Variants in REXO4 observed in about 807,000 individuals in gnomAD.
REXO4 encodes the protein REX4 homolog, 3'-5' exonuclease.
REXO4 carries 29 observed loss-of-function variants against 39.9 expected under a neutral mutation model. The ratio of observed to expected loss-of-function variants is 0.73; its 90% CI spans 0.54 to 0.99. The LOEUF is 0.99. REXO4 is among the 50% of genes least tolerant of loss of function. The pLI is 0.00. For synonymous variants in REXO4, 184 were observed against 206.2 expected (o/e 0.89, Z 0.92); for missense variants, 524 against 546.5 (o/e 0.96, Z 0.41).
In REXO4 at chr9:133,410,947, G is replaced by A. The variant is rs201451198; in HGVS notation, c.999+38C>T. ...AGGGCGTGAGTGTAACACCCACGGA[G>A]CAGGGGCAGGCTGAGTCCCCAGGAG... On this transcript the variant is annotated intron_variant, in intron 5 of 7. Coordinates refer to ENST00000371942, the MANE Select transcript of REXO4 (RefSeq NM_020385.4). 4 of 1,498,986 alleles carry A rather than the reference G, an allele frequency of 2.7e-6. No individual in the cohort carries two copies. In the East Asian group the frequency reaches 6.8e-5, roughly 25 times the overall value. The allele number at this position is 1,498,986 out of a possible 1,614,324, so 92.9% of individuals were successfully genotyped here.
In REXO4 at chr9:133,413,055, C is replaced by G. The variant is rs587681684; in HGVS notation, c.573-134G>C. 13 of 918,280 alleles carry G rather than the reference C, an allele frequency of 1.4e-5. 1 individual carries two copies. The South Asian group carries it at 2.1e-4, about 14-fold the overall frequency. 56.9% of individuals were successfully genotyped at this position (918,280 alleles called of 1,614,324 possible). A position where few individuals can be genotyped will look rare whatever the true frequency, so the allele number is the denominator to read the frequency against. On this transcript the variant is annotated intron_variant, in intron 2 of 7. Transcript: ENST00000371942. Reference sequence around the variant, plus strand: ...TCTCCCACAGGCTGGCCCCAGACACCCCGACTGCTGGCCCTGCTGCTTCTG... The same window carrying G: ...TCTCCCACAGGCTGGCCCCAGACACGCCGACTGCTGGCCCTGCTGCTTCTG...
rs139021248 is a variant in REXO4 at position 133,412,319 on chromosome 9, C to T, written c.890G>A (p.Arg297Gln). The T allele has an allele frequency of 2.5e-4, 405 of 1,613,848 alleles. No homozygotes were observed. The highest frequency in any genetic ancestry group is 3.2e-4 in the Non-Finnish European group (381 of 1,180,006). Residue 297 changes from arginine to glutamine, a missense_variant, in exon 4 of 8, where the codon CGG (arginine) becomes CAG (glutamine). Transcript: ENST00000371942. ...CATACCCTGCTTGAGGTTCTCAGGCCGAATCCCACTGACCGCTGTCCTATA... is the reference window on the plus strand; with the variant it reads ...CATACCCTGCTTGAGGTTCTCAGGCTGAATCCCACTGACCGCTGTCCTATA... ...TDYRTAVSGI[R>Q]PENLKQGEEL...
Position 133,412,433 on chromosome 9 carries a change from TC to T in REXO4, c.775del (p.Glu259ArgfsTer10), listed in dbSNP as rs997943579. 25 of 1,613,948 alleles carry T rather than the reference TC, an allele frequency of 1.5e-5. No homozygotes were observed. Among genetic ancestry groups the T allele is most frequent in the Admixed American group, 5.0e-5 (3 of 59,984 alleles). On this transcript the variant is annotated frameshift_variant, in exon 4 of 8. Coordinates refer to ENST00000371942, the MANE Select transcript of REXO4 (RefSeq NM_020385.4). LOFTEE classifies it high-confidence loss of function. ...EMVGVGPKGE[E>X]SMAARVSIVN... ...GATGGACACACGGGCGGCCATGCTCTCCTCCCCCTTAGGGCCCACGCCCACC... is the reference window on the plus strand; with the variant it reads ...GATGGACACACGGGCGGCCATGCTCTCTCCCCCTTAGGGCCCACGCCCACC...
chr9:133,407,870 CGG>C lies in REXO4; in HGVS notation c.1084_1085del (p.Pro362ValfsTer58). On this transcript the variant is annotated frameshift_variant, in exon 7 of 8. Transcript: ENST00000371942. LOFTEE classifies it high-confidence loss of function. ...TCTTCTCTGAAAGTAGTCTCAGAGA[CGG>C]CCTTCCACTCTGCAAAGGGGGAAGA... ...PFKSQVKSGR[P>X]SLRLLSEKIL... 1 of 1,613,620 alleles carries C rather than the reference CGG, an allele frequency of 6.2e-7. No homozygotes were observed. The highest frequency in any genetic ancestry group is 8.5e-7 in the Non-Finnish European group (1 of 1,179,796).
chr9:133,407,893 G>A lies in REXO4; in HGVS notation c.1075-12C>T, dbSNP rs782781263. ...GACGGCCTTCCACTCTGCAAAGGGGGAAGAGGCGGGTGGGGGCCTCTGCAG... is the reference window on the plus strand; with the variant it reads ...GACGGCCTTCCACTCTGCAAAGGGGAAAGAGGCGGGTGGGGGCCTCTGCAG... On this transcript the variant is annotated splice_polypyrimidine_tract_variant and intron_variant, in intron 6 of 7. Coordinates refer to ENST00000371942, the MANE Select transcript of REXO4 (RefSeq NM_020385.4). 40 of 1,611,176 alleles carry A rather than the reference G, an allele frequency of 2.5e-5. No homozygotes were observed. Among genetic ancestry groups the A allele is most frequent in the Middle Eastern group, 1.6e-4 (1 of 6,074 alleles).
chr9:133,410,904 A>G, intron 5 of REXO4, 81 bp downstream of exon 5: 1 of 1,041,960 alleles, frequency 9.6e-7, no homozygotes, highest in South Asian at 1.3e-5. Flanking sequence ...CACATTGTTA[A>G]AACTCCCCAA....
Position 133,408,969 on chromosome 9 carries a change from T to TGC in REXO4, c.1000-128_1000-127insGC, listed in dbSNP as rs1554779603. On this transcript the variant is annotated intron_variant, in intron 5 of 7. Coordinates refer to ENST00000371942, the MANE Select transcript of REXO4 (RefSeq NM_020385.4). ...GTGTGTGTGTGTGTGTGTGTGTGTG[T>TGC]GTGTGTGTGTGTGTGTGACGGAGTC... The TGC allele has an allele frequency of 2.3e-5, 12 of 525,032 alleles. No homozygotes were observed. The East Asian group carries it at 3.6e-4, about 16-fold the overall frequency. 32.5% of individuals were successfully genotyped at this position (525,032 alleles called of 1,614,324 possible). A position where few individuals can be genotyped will look rare whatever the true frequency, so the allele number is the denominator to read the frequency against.
intron 1 of REXO4, among the ~76,000 whole-genome samples, chr9:133,415,215 T>C (rs1320544667): frequency 1.3e-5 from 2 of 152,182 alleles, no homozygotes; most frequent in African/African-American, 4.8e-5. Context: ...TGAAATGCTG[T>C]TTCTTTGCTT....
chr9:133,411,362 G>A (rs887818841), intron 4 of REXO4, among the ~76,000 whole-genome samples: 1 of 152,244 alleles, frequency 6.6e-6, no homozygotes, highest in Non-Finnish European at 1.5e-5. Context: ...TATGTTGAGT[G>A]TAGGCACTGA....
chr9:133,411,020 T>C lies in REXO4; in HGVS notation c.964A>G (p.Ile322Val), dbSNP rs782202357. 6.2e-7 allele frequency: 1 copy of C among 1,614,156 alleles called. No homozygotes were observed. Among genetic ancestry groups the C allele is most frequent in the South Asian group, 1.1e-5 (1 of 91,090 alleles). The part of the protein sequence containing the change: ...KEVAEMLKGR[I>V]LVGHALHNDL... ...TTATGCAGAGCGTGCCCCACTAGAA[T>C]TCTGCCCTTCAGCATCTCTGCCACT... The change falls in exon 5 of 8, where the codon ATT (isoleucine) becomes GTT (valine). Residue 322 changes from isoleucine (I) to valine (V), a missense_variant. Physicochemically the swap from Ile to Val is conservative, Grantham distance 29 (BLOSUM62 3). Transcript: ENST00000371942.
At chr9:133,412,544 T>A (rs28513445) in intron 3 of REXO4, 52 bp from the exon 4 acceptor site, 116,907 of 1,592,626 alleles carry the variant, frequency 0.073, 4,860 homozygotes, top group Non-Finnish European at 0.086. Flanking sequence ...GCCACAGGGC[T>A]CCAGGTCAGA....
At chr9:133,409,298 T>C (rs1181101448) in intron 5 of REXO4, among the ~76,000 whole-genome samples, 2 of 152,034 alleles carry the variant, frequency 1.3e-5, no homozygotes, top group Non-Finnish European at 2.9e-5. Flanking sequence ...AATCCAAGTG[T>C]GTCACACACA....
rs587726586 is a variant in REXO4 at position 133,414,246 on chromosome 9, T to C, written c.572+419A>G. ...CACCACACCTGGCTCCATCACAGGG[T>C]TGAAGTAATCACCAGGCACTGAGCC... On this transcript the variant is annotated intron_variant, in intron 2 of 7. Transcript: ENST00000371942. The C allele has an allele frequency of 4.2e-4, 156 of 372,334 alleles. 1 individual carries two copies. The highest frequency in any genetic ancestry group is 3.1e-3 in the South Asian group (155 of 49,554). The allele number at this position is 372,334 out of a possible 1,614,324, so 23.1% of individuals were successfully genotyped here.
intron 1 of REXO4, among the ~76,000 whole-genome samples, chr9:133,417,156 C>A (rs1395689632): frequency 1.3e-5 from 2 of 152,322 alleles, no homozygotes; most frequent in Non-Finnish European, 2.9e-5. Flanking sequence ...CGACTACCGG[C>A]GCGCGCCATC....
Position 133,417,991 on chromosome 9 carries a change from A to T in REXO4, c.-147T>A, listed in dbSNP as rs1839782530. ...CGTCCAGGAAAAGACTCCGGAAGAGACCCCGCACGCGTTGCGCATACCTCA... is the reference window on the plus strand; with the variant it reads ...CGTCCAGGAAAAGACTCCGGAAGAGTCCCCGCACGCGTTGCGCATACCTCA... On this transcript the variant is annotated 5_prime_UTR_variant, in exon 1 of 8. Transcript: ENST00000371942. The T allele has an allele frequency of 4.2e-6, 3 of 707,064 alleles. No individual in the cohort carries two copies. Among genetic ancestry groups the T allele is most frequent in the East Asian group, 5.4e-5 (2 of 36,766 alleles). 43.8% of individuals were successfully genotyped at this position (707,064 alleles called of 1,614,324 possible). A position where few individuals can be genotyped will look rare whatever the true frequency, so the allele number is the denominator to read the frequency against.
Position 133,412,299 on chromosome 9 carries a change from C to T in REXO4, c.910G>A (p.Gly304Arg), listed in dbSNP as rs1839252981. ...AGTTCCTGAGCTGTGGATGACATACCCTGCTTGAGGTTCTCAGGCCGAATC... is the reference window on the plus strand; with the variant it reads ...AGTTCCTGAGCTGTGGATGACATACTCTGCTTGAGGTTCTCAGGCCGAATC... ...SGIRPENLKQ[G>R]EELEVVQKEV... is the part of the protein sequence containing the mutation. The change falls in exon 4 of 8, where the codon GGA becomes AGA. Residue 304 changes from glycine (G) to arginine (R), a missense_variant and splice_region_variant. Coordinates refer to ENST00000371942, the MANE Select transcript of REXO4 (RefSeq NM_020385.4). The T allele has an allele frequency of 1.9e-6, 3 of 1,613,234 alleles. No homozygotes were observed. The highest frequency in any genetic ancestry group is 1.7e-6 in the Non-Finnish European group (2 of 1,179,820).
At position 133,411,083 on chromosome 9, in the gene REXO4, C is replaced by A. The variant is rs782710301; in HGVS notation, c.911-10G>T. ...ACTTCAAGCTCTTCTCCTGGAAAAT[C>A]AACACAAAGAAGCGGTTTTTTGCAA... On this transcript the variant is annotated splice_polypyrimidine_tract_variant and intron_variant, in intron 4 of 7. Coordinates refer to ENST00000371942, the MANE Select transcript of REXO4 (RefSeq NM_020385.4). 9.3e-6 allele frequency: 15 copies of A among 1,613,434 alleles called. No homozygotes were observed. The Admixed American group carries it at 2.2e-4, about 23-fold the overall frequency.
Position 133,412,814 on chromosome 9 carries a change from A to T in REXO4, c.680T>A (p.Val227Asp). ...CTGCTCTTTCACGAGGCTGAGGCTG[A>T]CGCTGCCCTCGCTCTGACCCAACTG... is the stretch of plus-strand genomic sequence containing the variant. ...RKQLGQSEGS[V>D]SLSLVKEQAF... The change falls in exon 3 of 8, where the codon GTC (valine) becomes GAC (aspartate). Residue 227 changes from valine (V) to aspartate (D), a missense_variant. Transcript: ENST00000371942. 6.2e-7 allele frequency: 1 copy of T among 1,613,834 alleles called. No individual in the cohort carries two copies. Among genetic ancestry groups the T allele is most frequent in the Non-Finnish European group, 8.5e-7 (1 of 1,180,042 alleles).
At chr9:133,412,633 C>G in intron 3 of REXO4, 141 bp from the exon 4 acceptor site, 1 of 1,396,194 alleles carries the variant, frequency 7.2e-7, no homozygotes, top group South Asian at 1.3e-5. Context: ...GTGACAAGCT[C>G]TGTGTGGTCC....
Sources: allele counts gnomAD v4.1 joint callset (sites outside exome capture counted in the v4.1 genomes callset), GRCh38; gene constraint gnomAD v4.1.1; transcripts MANE v1.5; gene names NCBI Gene and HGNC (gene_info 2026-07-23, HGNC 2026-07-21).